LHX8: variants seen among roughly 807,000 people sequenced by gnomAD.
The protein encoded by LHX8 is LIM/homeobox protein Lhx8.
In LHX8, 12 loss-of-function variants were observed where a neutral mutation model predicts 40.3. The observed-to-expected ratio is 0.30, with a 90% CI of 0.19 to 0.48. LHX8 has a LOEUF of 0.48. Among genes scored for constraint, LHX8 ranks in the 20% least tolerant of loss-of-function variants. The probability of loss-of-function intolerance (pLI) is 0.99; values close to 1 mark genes in which losing one functional copy is unlikely to be tolerated. For missense variants in LHX8, 344 were observed against 433.7 expected, an observed-to-expected ratio of 0.79 and a Z score of 1.84; for synonymous variants, 179 against 162.0, an observed-to-expected ratio of 1.10 and a Z score of -0.80.
chr1:75,144,137 TA>T (rs1287805283), intron 6 of LHX8, among the ~76,000 whole-genome samples, 189 bp downstream of exon 6: 2 of 152,196 alleles, frequency 1.3e-5, no homozygotes, highest in African/African-American at 4.8e-5. Context: ...TCTAGCATCA[TA>T]ATATAATATG....
intron 6 of LHX8, 134 bp downstream of exon 6, chr1:75,144,082 G>T (rs1483664310): frequency 2.8e-6 from 2 of 704,422 alleles, no homozygotes; most frequent in African/African-American, 1.8e-5. Context: ...AAACTAATTT[G>T]GTGAATATAT....
chr1:75,130,402 G>C (rs886858627), upstream of LHX8: 1 of 512,880 alleles, frequency 1.9e-6, no homozygotes, highest in Non-Finnish European at 3.5e-6. Flanking sequence ...TGGCGCATCA[G>C]ACCGCAGTGA....
upstream of LHX8, among the ~76,000 whole-genome samples, chr1:75,133,330 CT>C (rs1648023600): frequency 1.0e-5 from 1 of 96,594 alleles, no homozygotes; most frequent in Non-Finnish European, 2.3e-5. Context: ...GAAAGGCTAT[CT>C]ATCTCCTCCG....
intron 4 of LHX8, 112 bp from the exon 5 acceptor site, chr1:75,143,006 A>G (rs750942612): frequency 3.2e-5 from 26 of 809,074 alleles, no homozygotes; most frequent in Admixed American, 1.2e-4. Flanking sequence ...CACAATATTT[A>G]AATACTTAGG....
intron 1 of LHX8, among the ~76,000 whole-genome samples, chr1:75,135,222 T>C (rs1648086152): frequency 6.6e-6 from 1 of 152,068 alleles, no homozygotes; most frequent in African/African-American, 2.4e-5. Context: ...TTTGTCTGAG[T>C]AGACTGGGGA....
At chr1:75,192,016 T>A in the LHX8 span, among the ~76,000 whole-genome samples, 1,355 of 152,290 alleles carry the variant, frequency 8.9e-3, 30 homozygotes, top group African/African-American at 0.031. Context: ...ATTTGAATCC[T>A]ATCTCCACCA....
the LHX8 span, among the ~76,000 whole-genome samples, chr1:75,173,817 G>A: frequency 1.3e-5 from 2 of 152,032 alleles, no homozygotes; most frequent in Admixed American, 6.6e-5. Context: ...GAAATAACTC[G>A]GAGACCTCAT....
the LHX8 span, among the ~76,000 whole-genome samples, chr1:75,167,020 C>G: frequency 1.3e-5 from 2 of 152,218 alleles, no homozygotes; most frequent in South Asian, 4.1e-4. Context: ...GTTGCAGCCT[C>G]TGTGTGTCAC....
chr1:75,181,671 C>T, the LHX8 span, among the ~76,000 whole-genome samples: 23 of 152,278 alleles, frequency 1.5e-4, no homozygotes, highest in African/African-American at 4.3e-4. Flanking sequence ...GGCGATGCCC[C>T]GCCCTGCTTT....
chr1:75,136,406 G>A (rs1444860092), intron 1 of LHX8, among the ~76,000 whole-genome samples, 197 bp from the exon 2 acceptor site: 3 of 151,732 alleles, frequency 2.0e-5, no homozygotes. Context: ...TCGGGTGGCG[G>A]CCGCCAGCGG....
downstream of LHX8, among the ~76,000 whole-genome samples, chr1:75,162,274 T>C (rs1297112700): frequency 1.3e-5 from 2 of 151,820 alleles, no homozygotes; most frequent in African/African-American, 4.8e-5. Context: ...TTAAACCGGC[T>C]ACTCTATTTT....
chr1:75,183,299 A>G, the LHX8 span, among the ~76,000 whole-genome samples: 1 of 152,206 alleles, frequency 6.6e-6, no homozygotes, highest in Non-Finnish European at 1.5e-5. Context: ...TCTACAGAAG[A>G]AGATCACCCC....
At chr1:75,137,704 A>G (rs1468082533) in intron 3 of LHX8, among the ~76,000 whole-genome samples, 1 of 152,222 alleles carries the variant, frequency 6.6e-6, no homozygotes, top group Non-Finnish European at 1.5e-5. Context: ...ATGACTGCTT[A>G]GAAGAATTTT....
intron 2 of LHX8, among the ~76,000 whole-genome samples, 194 bp from the exon 3 acceptor site, chr1:75,136,906 C>A (rs934709323): frequency 6.7e-6 from 1 of 149,084 alleles, no homozygotes; most frequent in Non-Finnish European, 1.5e-5. Flanking sequence ...GGTCAGGGGT[C>A]GGCAGCCCCA....
At chr1:75,191,683 A>G in the LHX8 span, among the ~76,000 whole-genome samples, 1 of 152,212 alleles carries the variant, frequency 6.6e-6, no homozygotes, top group Non-Finnish European at 1.5e-5. Flanking sequence ...CTGTTACTAA[A>G]ACATGTTAGA....
At chr1:75,150,659 G>A (rs892488259) in intron 7 of LHX8, among the ~76,000 whole-genome samples, 18 of 151,740 alleles carry the variant, frequency 1.2e-4, no homozygotes, top group African/African-American at 4.4e-4. Context: ...AGAGACCAGG[G>A]AAATGGAAAA....
chr1:75,164,726 C>CT (rs201120196), downstream of LHX8, among the ~76,000 whole-genome samples: 4,119 of 135,288 alleles, frequency 0.03, 96 homozygotes, highest in African/African-American at 0.066. Context: ...AACCAGTATC[C>CT]TTTTTTTTTT....
the LHX8 span, among the ~76,000 whole-genome samples, chr1:75,192,420 C>T: frequency 2.6e-5 from 4 of 152,122 alleles, no homozygotes; most frequent in Admixed American, 6.5e-5. Context: ...AGTCCTAATT[C>T]CCAAGGCCTA....
At chr1:75,197,705 G>A in the LHX8 span, among the ~76,000 whole-genome samples, 1 of 152,106 alleles carries the variant, frequency 6.6e-6, no homozygotes, top group Non-Finnish European at 1.5e-5. Context: ...AGAAAAACAG[G>A]AGCCTCACCT....
Sources: allele counts gnomAD v4.1 joint callset (sites outside exome capture counted in the v4.1 genomes callset), GRCh38; gene constraint gnomAD v4.1.1; transcripts MANE v1.5; gene names NCBI Gene and HGNC (gene_info 2026-07-23, HGNC 2026-07-21).